Variants in MPP7 observed in about 807,000 individuals in gnomAD.
MPP7 encodes MAGUK p55 subfamily member 7.
MPP7 carries 60 observed loss-of-function variants against 76.5 expected under a neutral mutation model. The observed-to-expected ratio is 0.78, with a 90% CI of 0.64 to 0.97. The LOEUF is 0.97. Ranked by LOEUF, MPP7 falls within the 50% of genes least tolerant of loss-of-function variation. The probability of loss-of-function intolerance (pLI) is 0.00; values close to 1 mark genes in which losing one functional copy is unlikely to be tolerated. For missense variants in MPP7, 641 were observed against 694.0 expected, an observed-to-expected ratio of 0.92 and a Z score of 0.86; for synonymous variants, 237 against 244.5, an observed-to-expected ratio of 0.97 and a Z score of 0.29.
chr10:28,276,094 G>C (rs944281428), intron 1 of MPP7, among the ~76,000 whole-genome samples: 1 of 144,786 alleles, frequency 6.9e-6, no homozygotes, highest in African/African-American at 2.6e-5. Context: ...GCAGTGGCAT[G>C]ATCTCAGCTC....
chr10:28,109,275 G>A (rs1564634509), intron 11 of MPP7, among the ~76,000 whole-genome samples: 1 of 152,120 alleles, frequency 6.6e-6, no homozygotes, highest in Non-Finnish European at 1.5e-5. Context: ...GCAACAGAGT[G>A]AGACTCCATC....
At chr10:28,250,832 C>G (rs1476784768) in intron 1 of MPP7, among the ~76,000 whole-genome samples, 2 of 152,214 alleles carry the variant, frequency 1.3e-5, no homozygotes, top group African/African-American at 4.8e-5. Flanking sequence ...TGTTACCACA[C>G]TGCCTAATGA....
At chr10:28,089,865 T>G in intron 11 of MPP7, 24 bp from the exon 12 acceptor site, 1 of 1,273,842 alleles carries the variant, frequency 7.9e-7, no homozygotes, top group Non-Finnish European at 1.1e-6. Context: ...AATAAATATA[T>G]TTTTAGTAAC....
intron 5 of MPP7, among the ~76,000 whole-genome samples, chr10:28,146,514 G>A (rs983832113): frequency 3.3e-5 from 5 of 150,662 alleles, no homozygotes; most frequent in African/African-American, 1.2e-4. Context: ...CCATTCTCCT[G>A]CCTCAGCCTC....
upstream of MPP7, among the ~76,000 whole-genome samples, chr10:28,304,063 G>A (rs1208996649): frequency 6.6e-6 from 1 of 152,038 alleles, no homozygotes; most frequent in Non-Finnish European, 1.5e-5. Flanking sequence ...GCTGATGGAG[G>A]GAATCATCAG....
chr10:28,334,105 G>T (rs181917455), intron 1 of MPP7, among the ~76,000 whole-genome samples: 119 of 152,282 alleles, frequency 7.8e-4, no homozygotes, highest in African/African-American at 2.6e-3. Context: ...GGAAGCTGAG[G>T]CAGGAGAATT....
At chr10:28,178,479 A>G in intron 3 of MPP7, among the ~76,000 whole-genome samples, 1 of 152,128 alleles carries the variant, frequency 6.6e-6, no homozygotes, top group Non-Finnish European at 1.5e-5. Flanking sequence ...GAGTAAAGAA[A>G]AATTGTGAAC....
intron 1 of MPP7, among the ~76,000 whole-genome samples, chr10:28,274,125 T>TG (rs1840416264): frequency 1.4e-5 from 2 of 140,720 alleles, no homozygotes; most frequent in Admixed American, 7.1e-5. Context: ...TTTTTTGAGA[T>TG]GGAGTCTCAC....
At chr10:28,325,793 C>T (rs1379108268) in intron 2 of MPP7, among the ~76,000 whole-genome samples, 3 of 151,920 alleles carry the variant, frequency 2.0e-5, no homozygotes, top group East Asian at 1.9e-4. Flanking sequence ...CGCGCCTGGC[C>T]GCAAGACCAC....
chr10:28,322,432 G>A (rs1834376433), intron 2 of MPP7, among the ~76,000 whole-genome samples: 1 of 152,096 alleles, frequency 6.6e-6, no homozygotes, highest in Non-Finnish European at 1.5e-5. Context: ...AGGATCAGAA[G>A]ATTTGCACAA....
upstream of MPP7, among the ~76,000 whole-genome samples, chr10:28,306,711 T>C (rs865820706): frequency 6.9e-6 from 1 of 144,248 alleles, no homozygotes; most frequent in Non-Finnish European, 1.5e-5. Flanking sequence ...AGTTGATAGA[T>C]AGATGATAGA....
In MPP7 at chr10:28,290,226, T is replaced by C. The variant is rs115369851; in HGVS notation, c.-132+12635A>G. 2.7e-3 allele frequency among the ~76,000 whole-genome samples: 411 copies of C among 152,248 alleles called. 1 individual carries two copies. The highest frequency in any genetic ancestry group is 9.5e-3 in the African/African-American group (393 of 41,536). The stretch of plus-strand genomic sequence containing the variant: ...TAACAAAATAAAAGTATGCCTTGTA[T>C]TGATGCCCTATATCCTTTACTAAGT... On this transcript the variant is annotated intron_variant, in intron 1 of 16. Transcript: ENST00000683449.
At chr10:28,178,065 C>T (rs950421304) in intron 3 of MPP7, among the ~76,000 whole-genome samples, 3 of 152,068 alleles carry the variant, frequency 2.0e-5, no homozygotes, top group Non-Finnish European at 4.4e-5. Flanking sequence ...TCATCCTTTC[C>T]CTCTGAAGCA....
Position 28,268,506 on chromosome 10 carries a change from C to A in MPP7, c.-131-29771G>T, listed in dbSNP as rs79270661. 6.7e-3 allele frequency among the ~76,000 whole-genome samples: 1,014 copies of A among 152,126 alleles called. 5 individuals carry two copies. Among genetic ancestry groups the A allele is most frequent in the Admixed American group, 0.011 (174 of 15,270 alleles). ...CAGCACTTTGGGAGGCCAAGGCACA[C>A]GGATGACTTGAGGTAAGGAGTTCGA... On this transcript the variant is annotated intron_variant, in intron 1 of 16. Transcript: ENST00000683449.
At chr10:28,232,709 T>C (rs1838930549) in intron 2 of MPP7, among the ~76,000 whole-genome samples, 1 of 152,190 alleles carries the variant, frequency 6.6e-6, no homozygotes, top group East Asian at 1.9e-4. Flanking sequence ...TGCCTATGAA[T>C]GCTTATACAA....
At chr10:28,183,958 T>C (rs993998362) in intron 3 of MPP7, among the ~76,000 whole-genome samples, 8 of 152,142 alleles carry the variant, frequency 5.3e-5, no homozygotes, top group African/African-American at 1.9e-4. Flanking sequence ...ACTTAATATG[T>C]TCCAGACAAT....
chr10:28,177,345 T>C (rs1588888079), intron 3 of MPP7, among the ~76,000 whole-genome samples: 1 of 149,764 alleles, frequency 6.7e-6, no homozygotes, highest in African/African-American at 2.5e-5. Flanking sequence ...GAGGCAGAGG[T>C]TGTGGTGAGC....
chr10:28,300,482 G>C (rs531977475), intron 1 of MPP7, among the ~76,000 whole-genome samples: 7 of 152,260 alleles, frequency 4.6e-5, no homozygotes, highest in African/African-American at 1.4e-4. Context: ...TAGAAATTTT[G>C]ACAGGAGAGT....
intron 3 of MPP7, among the ~76,000 whole-genome samples, chr10:28,192,753 G>T (rs563565051): frequency 1.3e-5 from 2 of 152,260 alleles, no homozygotes; most frequent in East Asian, 1.9e-4. Context: ...AGATTATTTT[G>T]TGGATATGAC....
Sources: gnomAD v4.1 joint callset for allele counts (sites outside exome capture counted in the v4.1 genomes callset) on GRCh38, gnomAD v4.1.1 for gene constraint, MANE v1.5 for transcripts, NCBI Gene and HGNC (gene_info 2026-07-23, HGNC 2026-07-21) for gene names.